Variants in NPSR1 observed in about 807,000 individuals in gnomAD.
NPSR1 encodes the protein neuropeptide S receptor.
A neutral mutation model predicts 46.9 loss-of-function variants in NPSR1; 48 were observed. The ratio of observed to expected loss-of-function variants is 1.02; its 90% CI spans 0.81 to 1.30. NPSR1 has a LOEUF of 1.30. Among genes scored for constraint, NPSR1 ranks in the 50% most tolerant of loss-of-function variants. The pLI, the probability that NPSR1 is intolerant of heterozygous loss-of-function variation, is 0.00. For missense variants in NPSR1, 450 were observed against 449.5 expected (o/e 1.00, Z -0.01); for synonymous variants, 176 against 168.1 (o/e 1.05, Z -0.36).
At chr7:34,675,701 C>CA (rs1792280257) in intron 1 of NPSR1, among the ~76,000 whole-genome samples, 1 of 152,184 alleles carries the variant, frequency 6.6e-6, no homozygotes, top group African/African-American at 2.4e-5. Context: ...GGCAGCATCA[C>CA]CATCATCAAA....
At chr7:34,712,572 G>T (rs1473288449) in intron 2 of NPSR1, among the ~76,000 whole-genome samples, 1 of 152,182 alleles carries the variant, frequency 6.6e-6, no homozygotes, top group Non-Finnish European at 1.5e-5. Flanking sequence ...ACTATTCTAA[G>T]AGTAGGTGGA....
rs559091607 is a variant in NPSR1, at chr7:34,872,362, C to T, written c.1026-5714C>T. ...CCTTTGGACCTATGATGGAAGGGAC[C>T]ACCCCAAGACTTCTAAAGTGCCTTC... On this transcript the variant is annotated intron_variant, in intron 8 of 8. Transcript: ENST00000359791. Among the ~76,000 whole-genome samples, 8 of 152,074 alleles carry T rather than the reference C, an allele frequency of 5.3e-5. No homozygotes were observed. The East Asian group carries it at 5.8e-4, about 11-fold the overall frequency.
At chr7:34,785,366 C>T (rs1314100663) in intron 3 of NPSR1, among the ~76,000 whole-genome samples, 1 of 120,572 alleles carries the variant, frequency 8.3e-6, no homozygotes, top group Admixed American at 1.1e-4. Flanking sequence ...GAACATCACA[C>T]TCTGGGCACT....
chr7:34,865,675 C>T (rs375952551), intron 8 of NPSR1, among the ~76,000 whole-genome samples: 1 of 151,710 alleles, frequency 6.6e-6, no homozygotes, highest in South Asian at 2.1e-4. Context: ...CCTTAGCATC[C>T]TTAGCAGGTA....
intron 2 of NPSR1, among the ~76,000 whole-genome samples, chr7:34,704,867 T>C (rs1197608493): frequency 6.6e-6 from 1 of 152,224 alleles, no homozygotes; most frequent in Non-Finnish European, 1.5e-5. Flanking sequence ...AGCTATCAGT[T>C]ATGAACCAAG....
chr7:34,743,266 T>A (rs1448102770), intron 2 of NPSR1, among the ~76,000 whole-genome samples: 1 of 152,138 alleles, frequency 6.6e-6, no homozygotes, highest in Non-Finnish European at 1.5e-5. Context: ...GTCTTCCGGG[T>A]TTTTACAGTT....
chr7:34,817,993 T>C (rs1003852760), intron 4 of NPSR1, among the ~76,000 whole-genome samples: 2 of 152,148 alleles, frequency 1.3e-5, no homozygotes, highest in African/African-American at 4.8e-5. Flanking sequence ...AAGCATTCCC[T>C]TTGAAAACCG....
rs1024657265 is a variant in NPSR1 at position 34,766,697 on chromosome 7, C to G, written c.281-11765C>G. ...ACGCCATTCTCCTGCCTCAGCCTCC[C>G]GAGTAGCTGGGATTACAGGCGCCAG... On this transcript the variant is annotated intron_variant, in intron 2 of 8. Coordinates refer to ENST00000360581, the MANE Select transcript of NPSR1 (RefSeq NM_207172.2). Among the ~76,000 whole-genome samples the G allele has an allele frequency of 3.9e-5, 6 of 152,018 alleles. No homozygotes were observed. In the South Asian group the frequency reaches 6.2e-4, roughly 16 times the overall value.
chr7:34,818,845 C>T (rs1392767869), intron 4 of NPSR1, among the ~76,000 whole-genome samples: 3 of 152,208 alleles, frequency 2.0e-5, no homozygotes, highest in Non-Finnish European at 4.4e-5. Flanking sequence ...ATAAATGGTG[C>T]TGGGAAACCT....
intron 2 of NPSR1, among the ~76,000 whole-genome samples, chr7:34,720,997 T>C (rs1212448596): frequency 6.6e-6 from 1 of 152,264 alleles, no homozygotes; most frequent in African/African-American, 2.4e-5. Context: ...AAAAAAATTA[T>C]GTATATGTAA....
At chr7:34,755,444 C>T (rs1315390172) in intron 2 of NPSR1, among the ~76,000 whole-genome samples, 2 of 152,298 alleles carry the variant, frequency 1.3e-5, no homozygotes, top group East Asian at 3.9e-4. Context: ...TTCTTTTGCT[C>T]AGCATTAGAT....
chr7:34,735,470 A>G, intron 2 of NPSR1, among the ~76,000 whole-genome samples: 1 of 152,356 alleles, frequency 6.6e-6, no homozygotes, highest in African/African-American at 2.4e-5. Context: ...AAATGAATAC[A>G]TCAATATATG....
At chr7:34,847,275 C>A (rs1040415077) in intron 7 of NPSR1, among the ~76,000 whole-genome samples, 1 of 152,072 alleles carries the variant, frequency 6.6e-6, no homozygotes, top group Non-Finnish European at 1.5e-5. Flanking sequence ...AGAAAAAATT[C>A]TATGGATGAG....
At chr7:34,736,092 T>C (rs541955025) in intron 2 of NPSR1, among the ~76,000 whole-genome samples, 3 of 152,134 alleles carry the variant, frequency 2.0e-5, no homozygotes, top group Admixed American at 2.0e-4. Context: ...CTTTCTACTT[T>C]CCTCTAGTTT....
At chr7:34,784,805 G>C (rs926785482) in intron 3 of NPSR1, among the ~76,000 whole-genome samples, 8 of 152,124 alleles carry the variant, frequency 5.3e-5, no homozygotes, top group Admixed American at 1.3e-4. Flanking sequence ...GGCCATCAGA[G>C]AAATGCAAAT....
At chr7:34,721,602 A>G (rs1299212738) in intron 2 of NPSR1, among the ~76,000 whole-genome samples, 1 of 152,212 alleles carries the variant, frequency 6.6e-6, no homozygotes, top group African/African-American at 2.4e-5. Flanking sequence ...AAAGGCCCCA[A>G]AGTTTCAGGT....
chr7:34,852,247 C>T (rs1291305909), downstream of NPSR1, among the ~76,000 whole-genome samples: 2 of 151,898 alleles, frequency 1.3e-5, no homozygotes, highest in South Asian at 2.1e-4. Context: ...TTGCAGTGAG[C>T]CGAGATCACG....
At chr7:34,847,085 G>T (rs774480468) in intron 7 of NPSR1, among the ~76,000 whole-genome samples, 1 of 152,174 alleles carries the variant, frequency 6.6e-6, no homozygotes, top group Admixed American at 6.5e-5. Flanking sequence ...AACACTTAGT[G>T]GGTTTTGTGT....
At chr7:34,873,813 C>G (rs928314507) in intron 8 of NPSR1, among the ~76,000 whole-genome samples, 8 of 151,532 alleles carry the variant, frequency 5.3e-5, no homozygotes, top group African/African-American at 1.7e-4. Context: ...TGGGGCAAGC[C>G]AGGAACAGGC....
Sources: gnomAD v4.1 joint callset for allele counts (sites outside exome capture counted in the v4.1 genomes callset) on GRCh38, gnomAD v4.1.1 for gene constraint, MANE v1.5 for transcripts, NCBI Gene and HGNC (gene_info 2026-07-23, HGNC 2026-07-21) for gene names.